Variants in C10orf90 observed in about 807,000 individuals in gnomAD.
C10orf90 encodes the protein (E2-independent) E3 ubiquitin-conjugating enzyme FATS.
In C10orf90, 56 loss-of-function variants were observed where a neutral mutation model predicts 62.5. That is an observed-to-expected ratio of 0.90 (90% CI 0.72 to 1.12). The LOEUF (loss-of-function observed/expected upper bound fraction) is 1.12, where lower values mean the gene tolerates loss of function less well. Among genes scored for constraint, C10orf90 ranks in the 50% most tolerant of loss-of-function variants. The pLI is 0.00. For missense variants in C10orf90, 970 were observed against 880.4 expected (o/e 1.10, Z -1.29); for synonymous variants, 386 against 340.4 (o/e 1.13, Z -1.47).
At position 126,550,417 on chromosome 10, in the gene C10orf90, C is replaced by G. The variant is rs149281856; in HGVS notation, c.314-36478G>C. Reference sequence around the variant, plus strand: ...ACGGAAATGCTCTGTCTTGAGTATACCAATGGCAGTATCCTTTATGATACT... The same window carrying G: ...ACGGAAATGCTCTGTCTTGAGTATAGCAATGGCAGTATCCTTTATGATACT... On this transcript the variant is annotated intron_variant, in intron 2 of 9. Coordinates refer to ENST00000488181, the MANE Select transcript of C10orf90 (RefSeq NM_001350921.2). 3.9e-5 allele frequency among the ~76,000 whole-genome samples: 6 copies of G among 152,248 alleles called. No individual in the cohort carries two copies. The East Asian group carries it at 1.2e-3, about 29-fold the overall frequency.
At chr10:126,467,367 C>G (rs892705984) in intron 4 of C10orf90, among the ~76,000 whole-genome samples, 4 of 152,364 alleles carry the variant, frequency 2.6e-5, no homozygotes, top group South Asian at 2.1e-4. Context: ...TGCAGTCACC[C>G]TCAGGTGGGC....
intron 7 of C10orf90, among the ~76,000 whole-genome samples, chr10:126,451,205 G>A (rs1002923598): frequency 2.0e-5 from 3 of 152,196 alleles, no homozygotes; most frequent in African/African-American, 7.2e-5. Flanking sequence ...TGGCAAGAAT[G>A]TGGAGAAAAG....
chr10:126,621,334 G>T (rs369083912), intron 2 of C10orf90, among the ~76,000 whole-genome samples: 7 of 152,170 alleles, frequency 4.6e-5, no homozygotes, highest in African/African-American at 1.7e-4. Context: ...TTTGTACATT[G>T]ATACAACAAG....
chr10:126,484,073 C>T (rs1189784898), intron 4 of C10orf90, among the ~76,000 whole-genome samples: 1 of 152,162 alleles, frequency 6.6e-6, no homozygotes, highest in Non-Finnish European at 1.5e-5. Context: ...CTCTCTTTCT[C>T]TCTCCTGTCT....
intron 2 of C10orf90, among the ~76,000 whole-genome samples, chr10:126,554,332 A>T (rs956822064): frequency 6.6e-6 from 1 of 152,330 alleles, no homozygotes; most frequent in East Asian, 1.9e-4. Flanking sequence ...CGATTGCAGT[A>T]GAAGTAGGAA....
intron 2 of C10orf90, among the ~76,000 whole-genome samples, chr10:126,543,139 A>G (rs1287179624): frequency 6.6e-6 from 1 of 152,214 alleles, no homozygotes; most frequent in Admixed American, 6.5e-5. Flanking sequence ...ATGTGTAAAT[A>G]TATTAATTTA....
Position 126,661,595 on chromosome 10 carries a change from T to C in C10orf90, c.240+8646A>G, listed in dbSNP as rs116742071. Among the ~76,000 whole-genome samples the C allele has an allele frequency of 1.4e-3, 218 of 152,036 alleles. 4 individuals carry two copies. The highest frequency in any genetic ancestry group is 1.3e-4 in the Non-Finnish European group (9 of 68,000). ...CCCTGATGGAAATTGACCAAAATGA[T>C]GTCAGATAGATCTTACAGTGCTCTT... On this transcript the variant is annotated intron_variant, in intron 1 of 9. Transcript: ENST00000488181.
chr10:126,536,548 G>T (rs1864242186), intron 2 of C10orf90, among the ~76,000 whole-genome samples: 1 of 152,120 alleles, frequency 6.6e-6, no homozygotes, highest in Admixed American at 6.5e-5. Flanking sequence ...AAGAGACAGG[G>T]AGTTCGACCC....
At chr10:126,585,020 G>C (rs527546933) in intron 2 of C10orf90, among the ~76,000 whole-genome samples, 7 of 152,006 alleles carry the variant, frequency 4.6e-5, no homozygotes, top group Non-Finnish European at 1.0e-4. Flanking sequence ...GAGCTACCGT[G>C]ATATCAGATT....
chr10:126,667,544 C>T (rs1846656309), intron 1 of C10orf90, among the ~76,000 whole-genome samples: 1 of 152,168 alleles, frequency 6.6e-6, no homozygotes, highest in Admixed American at 6.5e-5. Flanking sequence ...TGAGCCTTAG[C>T]TGATGCATCT....
chr10:126,625,897 T>C (rs1465465263), intron 2 of C10orf90, among the ~76,000 whole-genome samples: 1 of 152,016 alleles, frequency 6.6e-6, no homozygotes, highest in African/African-American at 2.4e-5. Context: ...GCAGGATGAC[T>C]TGAGGTCAGG....
intron 4 of C10orf90, among the ~76,000 whole-genome samples, chr10:126,479,094 C>T (rs186531531): frequency 1.3e-5 from 2 of 152,186 alleles, no homozygotes; most frequent in South Asian, 2.1e-4. Flanking sequence ...GCTGAACTCC[C>T]GCTGTACCGC....
At chr10:126,622,177 A>G (rs1330182848) in intron 2 of C10orf90, among the ~76,000 whole-genome samples, 1 of 152,200 alleles carries the variant, frequency 6.6e-6, no homozygotes, top group African/African-American at 2.4e-5. Context: ...TCCTGAATCT[A>G]TCATAGTCCC....
chr10:126,625,690 G>A (rs1279784651), intron 2 of C10orf90, among the ~76,000 whole-genome samples: 1 of 152,188 alleles, frequency 6.6e-6, no homozygotes, highest in Non-Finnish European at 1.5e-5. Flanking sequence ...AAGTGAATAG[G>A]TGGGAACATG....
At chr10:126,557,385 C>G (rs931758837) in intron 2 of C10orf90, among the ~76,000 whole-genome samples, 3 of 150,286 alleles carry the variant, frequency 2.0e-5, no homozygotes, top group Admixed American at 1.3e-4. Flanking sequence ...GAGGCTGAGG[C>G]AGGAGAATGG....
chr10:126,536,365 T>C (rs1190620845), intron 2 of C10orf90, among the ~76,000 whole-genome samples: 1 of 152,202 alleles, frequency 6.6e-6, no homozygotes, highest in Non-Finnish European at 1.5e-5. Context: ...CTTGGCGCTG[T>C]CCAAGATTTC....
Position 126,590,706 on chromosome 10 carries a change from G to A in C10orf90, c.313+55859C>T, listed in dbSNP as rs539846008. Among the ~76,000 whole-genome samples, 9 of 152,134 alleles carry A rather than the reference G, an allele frequency of 5.9e-5. No homozygotes were observed. In the East Asian group the frequency reaches 1.7e-3, roughly 29 times the overall value. On this transcript the variant is annotated intron_variant, in intron 2 of 9. Coordinates refer to ENST00000488181, the MANE Select transcript of C10orf90 (RefSeq NM_001350921.2). ...ACCAGTGTTAAGAGGCAAATTTATA[G>A]CACTAAATGGTCACACCAAAAAGCT...
intron 4 of C10orf90, among the ~76,000 whole-genome samples, chr10:126,482,952 C>A (rs1156836721): frequency 1.3e-5 from 2 of 152,212 alleles, no homozygotes; most frequent in Non-Finnish European, 2.9e-5. Context: ...AAGTTATCTG[C>A]ATTTGGGACA....
At chr10:126,616,392 G>A (rs1283594644) in intron 2 of C10orf90, among the ~76,000 whole-genome samples, 1 of 152,218 alleles carries the variant, frequency 6.6e-6, no homozygotes, top group Non-Finnish European at 1.5e-5. Flanking sequence ...GAAGGTAAGA[G>A]AGAAGTACGG....
Sources: gnomAD v4.1 joint callset for allele counts (sites outside exome capture counted in the v4.1 genomes callset) on GRCh38, gnomAD v4.1.1 for gene constraint, MANE v1.5 for transcripts, NCBI Gene and HGNC (gene_info 2026-07-23, HGNC 2026-07-21) for gene names.